The following AP2M1 variants were observed in gnomAD, a reference collection of about 807,000 sequenced individuals.
The protein encoded by AP2M1 is AP-2 complex subunit mu.
Under a neutral mutation model 54.5 loss-of-function variants are expected in AP2M1, and 5 were observed. That is an observed-to-expected ratio of 0.09 (90% confidence interval 0.05 to 0.19). AP2M1 has a LOEUF of 0.19. Among genes scored for constraint, AP2M1 ranks in the 10% least tolerant of loss-of-function variants. The pLI, the probability that AP2M1 is intolerant of heterozygous loss-of-function variation, is 1.00. For missense variants in AP2M1, 178 were observed against 580.2 expected, an observed-to-expected ratio of 0.31 and a Z score of 7.12; for synonymous variants, 186 against 208.2, an observed-to-expected ratio of 0.89 and a Z score of 0.92.
At chr3:184,176,880 C>A in intron 1 of AP2M1, 71 bp from the exon 2 acceptor site, 1 of 1,119,856 alleles carries the variant, frequency 8.9e-7, no homozygotes, top group Non-Finnish European at 1.3e-6. Flanking sequence ...CTCCAGTGAC[C>A]TGCACAGCTC....
At chr3:184,179,261 G>C in intron 3 of AP2M1, 139 bp downstream of exon 3, 2 of 1,117,032 alleles carry the variant, frequency 1.8e-6, no homozygotes, top group Non-Finnish European at 2.5e-6. Context: ...CTTGGGCTAG[G>C]ATCTCTATGC....
chr3:184,177,136 G>C lies in AP2M1; in HGVS notation c.74+69G>C, dbSNP rs997346356. The C allele has an allele frequency of 1.3e-5, 19 of 1,497,586 alleles. No individual in the cohort carries two copies. In the African/African-American group the frequency reaches 2.3e-4, roughly 18 times the overall value. The allele number at this position is 1,497,586 out of a possible 1,614,324, so 92.8% of individuals were successfully genotyped here. ...CCCCAGCCCCAGCATACAGGATTAG[G>C]TCTTTTCCCACCATTGGCTTGACTT... On this transcript the variant is annotated intron_variant, in intron 2 of 11. Transcript: ENST00000292807.
In AP2M1 at chr3:184,181,885, T is replaced by C. The variant is rs775662402; in HGVS notation, c.828-27T>C. The C allele has an allele frequency of 5.1e-5, 82 of 1,613,678 alleles. No individual in the cohort carries two copies. Among genetic ancestry groups the C allele is most frequent in the Non-Finnish European group, 6.2e-5 (73 of 1,179,742 alleles). On this transcript the variant is annotated intron_variant, in intron 8 of 11. Transcript: ENST00000292807. This position sits in a 1 kb window ranked among gnomAD's most constrained non-coding sequence, Gnocchi z 5.7. ...GGGGAGAGGAAGTGGGTCAGCTCTT[T>C]GGTAACCTTGCTTCCCATCCCTTAA...
chr3:184,180,613 T>C lies in AP2M1; in HGVS notation c.424-32T>C, dbSNP rs1387177144. On this transcript the variant is annotated intron_variant, in intron 4 of 11. Coordinates refer to ENST00000292807, the MANE Select transcript of AP2M1 (RefSeq NM_004068.4). The surrounding 1 kb of genome is among the most constrained non-coding windows in gnomAD (Gnocchi z 4.9). Reference sequence around the variant, plus strand: ...CTTTTCTGCCTCCCTTGCTGCTTCATGTGGGCACCTCGTTGGCCCTGCGGC... The same window carrying C: ...CTTTTCTGCCTCCCTTGCTGCTTCACGTGGGCACCTCGTTGGCCCTGCGGC... 3 of 1,613,538 alleles carry C rather than the reference T, an allele frequency of 1.9e-6. No individual in the cohort carries two copies. Among genetic ancestry groups the C allele is most frequent in the African/African-American group, 1.3e-5 (1 of 74,932 alleles).
Position 184,179,128 on chromosome 3 carries a change from G to T in AP2M1, c.340+6G>T, listed in dbSNP as rs1314948961. On this transcript the variant is annotated splice_donor_region_variant and intron_variant, in intron 3 of 11. Coordinates refer to ENST00000292807, the MANE Select transcript of AP2M1 (RefSeq NM_004068.4). Reference sequence around the variant, plus strand: ...CATATATGAGCTGCTGGATGGTGAGGCTGGCGGGCTGGCACGGCAGCGGGC... The same window carrying T: ...CATATATGAGCTGCTGGATGGTGAGTCTGGCGGGCTGGCACGGCAGCGGGC... 1 of 1,609,988 alleles carries T rather than the reference G, an allele frequency of 6.2e-7. No individual in the cohort carries two copies. The highest frequency in any genetic ancestry group is 8.5e-7 in the Non-Finnish European group (1 of 1,176,652).
chr3:184,183,434 G>A lies in AP2M1; in HGVS notation c.1174-48G>A. ...GGGCAACGGGACTTCCCAGAGGAGA[G>A]CGGCTGTAAGAGGAAGGCCACATTT... On this transcript the variant is annotated intron_variant, in intron 11 of 11. Transcript: ENST00000292807. The surrounding 1 kb of genome is among the most constrained non-coding windows in gnomAD (Gnocchi z 5.7). 1 of 1,611,772 alleles carries A rather than the reference G, an allele frequency of 6.2e-7. No individual in the cohort carries two copies. Among genetic ancestry groups the A allele is most frequent in the South Asian group, 1.1e-5 (1 of 90,910 alleles).
chr3:184,175,911 C>T (rs1322661809), intron 1 of AP2M1, among the ~76,000 whole-genome samples: 1 of 152,216 alleles, frequency 6.6e-6, no homozygotes, highest in Admixed American at 6.5e-5. Flanking sequence ...TTGACAGCCA[C>T]AGGAAAAGGC....
Position 184,183,177 on chromosome 3 carries a change from G to C in AP2M1, c.1174-305G>C, listed in dbSNP as rs1410572648. The C allele has an allele frequency of 1.8e-6, 1 of 549,694 alleles. No individual in the cohort carries two copies. Among genetic ancestry groups the C allele is most frequent in the East Asian group, 3.2e-5 (1 of 31,572 alleles). The allele number at this position is 549,694 out of a possible 1,614,324, so 34.1% of individuals were successfully genotyped here. A position where few individuals can be genotyped will look rare whatever the true frequency, so the allele number is the denominator to read the frequency against. ...GGATAATGGGCTGACTTTGCTTTGC[G>C]CATGTTAGACATAATTTTCTCCACC... is the stretch of plus-strand genomic sequence containing the variant. On this transcript the variant is annotated intron_variant, in intron 11 of 11. Coordinates refer to ENST00000292807, the MANE Select transcript of AP2M1 (RefSeq NM_004068.4). This position sits in a 1 kb window ranked among gnomAD's most constrained non-coding sequence, Gnocchi z 5.7.
In AP2M1 at chr3:184,178,852, C is replaced by T. The variant is rs914732362; in HGVS notation, c.75-5C>T. On this transcript the variant is annotated splice_polypyrimidine_tract_variant and splice_region_variant and intron_variant, in intron 2 of 11. Coordinates refer to ENST00000292807, the MANE Select transcript of AP2M1 (RefSeq NM_004068.4). This position sits in a 1 kb window ranked among gnomAD's most constrained non-coding sequence, Gnocchi z 4.9. The stretch of plus-strand genomic sequence containing the variant: ...GAGCAGGCCCTATGCACTCTTTTCC[C>T]TCAGGAGGAACGCAGTGGATGCCTT... 1.2e-6 allele frequency: 2 copies of T among 1,613,412 alleles called. No individual in the cohort carries two copies. The highest frequency in any genetic ancestry group is 1.7e-5 in the Admixed American group (1 of 60,006).
rs547671024 is a variant in AP2M1 at position 184,182,373 on chromosome 3, G to C, written c.1061+125G>C. 4 of 1,027,460 alleles carry C rather than the reference G, an allele frequency of 3.9e-6. No individual in the cohort carries two copies. The East Asian group carries it at 1.0e-4, about 27-fold the overall frequency. 63.6% of individuals were successfully genotyped at this position (1,027,460 alleles called of 1,614,324 possible). ...CCTGTTTGCTTTTCTAGGAGCCTCT[G>C]CTTGTACTGTCAGTCTTTATACCTC... On this transcript the variant is annotated intron_variant, in intron 10 of 11. Transcript: ENST00000292807. The surrounding 1 kb of genome is among the most constrained non-coding windows in gnomAD (Gnocchi z 5.5).
At position 184,178,294 on chromosome 3, in the gene AP2M1, C is replaced by T. The variant is rs186508407; in HGVS notation, c.75-563C>T. The T allele has an allele frequency of 2.3e-4, 350 of 1,491,946 alleles. 1 individual carries two copies. In the African/African-American group the frequency reaches 4.4e-3, roughly 19 times the overall value. 92.4% of individuals were successfully genotyped at this position (1,491,946 alleles called of 1,614,324 possible). A position where few individuals can be genotyped will look rare whatever the true frequency, so the allele number is the denominator to read the frequency against. On this transcript the variant is annotated intron_variant, in intron 2 of 11. Coordinates refer to ENST00000292807, the MANE Select transcript of AP2M1 (RefSeq NM_004068.4). This position sits in a 1 kb window ranked among gnomAD's most constrained non-coding sequence, Gnocchi z 4.9. ...CCTGCCCCCATCGTTTTCCTGCATC[C>T]TTTTTCATTCCCTCAACTTGCTCTG...
rs1715317307 is a variant in AP2M1 at position 184,182,802 on chromosome 3, G to A, written c.1107G>A (p.Glu369=). ...AGMKESQISA[E]IELLPTNDKK... is the part of the protein sequence containing the mutation. ...TGAAGGAATCGCAGATCAGCGCAGA[G>A]ATTGAGCTTCTGCCTACCAACGACA... is the stretch of plus-strand genomic sequence containing the variant. Residue 369 remains glutamate, a synonymous_variant, in exon 11 of 12, where the codon GAG becomes GAA. Transcript: ENST00000292807. The surrounding 1 kb of genome is among the most constrained non-coding windows in gnomAD (Gnocchi z 5.5). 1 of 1,614,160 alleles carries A rather than the reference G, an allele frequency of 6.2e-7. No individual in the cohort carries two copies. Among genetic ancestry groups the A allele is most frequent in the South Asian group, 1.1e-5 (1 of 91,080 alleles).
intron 2 of AP2M1, chr3:184,177,690 C>A: frequency 7.5e-7 from 1 of 1,336,808 alleles, no homozygotes; most frequent in South Asian, 1.3e-5. Flanking sequence ...AGCTCCATAT[C>A]CTGGGCCTTC....
rs1350503758 is a variant in AP2M1 at position 184,178,803 on chromosome 3, T to G, written c.75-54T>G. On this transcript the variant is annotated intron_variant, in intron 2 of 11. Transcript: ENST00000292807. The surrounding 1 kb of genome is among the most constrained non-coding windows in gnomAD (Gnocchi z 4.9). Reference sequence around the variant, plus strand: ...TGTTAGCAGCTGTGGTTGATCCTTATGGGGTAAGGTTCACCTGGGTGCTGA... The same window carrying G: ...TGTTAGCAGCTGTGGTTGATCCTTAGGGGGTAAGGTTCACCTGGGTGCTGA... 2.0e-5 allele frequency: 31 copies of G among 1,589,250 alleles called. No individual in the cohort carries two copies. In the African/African-American group the frequency reaches 2.8e-4, roughly 14 times the overall value.
rs1715168513 is a variant in AP2M1 at position 184,178,679 on chromosome 3, C to T, written c.75-178C>T. Among the ~76,000 whole-genome samples the T allele has an allele frequency of 6.6e-6, 1 of 152,244 alleles. No individual in the cohort carries two copies. Among genetic ancestry groups the T allele is most frequent in the Non-Finnish European group, 1.5e-5 (1 of 68,044 alleles). On this transcript the variant is annotated intron_variant, in intron 2 of 11. Coordinates refer to ENST00000292807, the MANE Select transcript of AP2M1 (RefSeq NM_004068.4). The surrounding 1 kb of genome is among the most constrained non-coding windows in gnomAD (Gnocchi z 4.9). ...CCCAGCTCAGGCACTCTTCCCATGC[C>T]TCCACAGGGAGTCATAAGAAGGGAA...
Position 184,180,802 on chromosome 3 carries a change from G to C in AP2M1, c.430-47G>C, listed in dbSNP as rs1346970225. 3 of 1,614,236 alleles carry C rather than the reference G, an allele frequency of 1.9e-6. No individual in the cohort carries two copies. The highest frequency in any genetic ancestry group is 2.2e-5 in the East Asian group (1 of 44,892). ...TGGGGATAGAGACAGGATGATTAAA[G>C]GGACAGAGGAGTGAGGCCATTGCTG... On this transcript the variant is annotated intron_variant, in intron 5 of 11. Coordinates refer to ENST00000292807, the MANE Select transcript of AP2M1 (RefSeq NM_004068.4). The surrounding 1 kb of genome is among the most constrained non-coding windows in gnomAD (Gnocchi z 4.9).
chr3:184,177,573 C>A (rs1213291029), intron 2 of AP2M1: 3 of 1,536,114 alleles, frequency 2.0e-6, no homozygotes, highest in South Asian at 2.4e-5. Context: ...CAGCTGTCTT[C>A]AGTTCCTCTG....
chr3:184,176,433 T>C (rs1715075297), intron 1 of AP2M1, among the ~76,000 whole-genome samples: 1 of 152,138 alleles, frequency 6.6e-6, no homozygotes, highest in African/African-American at 2.4e-5. Context: ...TTGAATTCTG[T>C]GAATTAGAGT....
chr3:184,180,993 C>T lies in AP2M1; in HGVS notation c.565+9C>T. 6.2e-7 allele frequency: 1 copy of T among 1,614,096 alleles called. No individual in the cohort carries two copies. The highest frequency in any genetic ancestry group is 8.5e-7 in the Non-Finnish European group (1 of 1,180,024). ...GCTCATGTCCCCACAAGGTGAGGTC[C>T]CTCTCACGACAAAGTTGGAGGGGGC... On this transcript the variant is annotated intron_variant, in intron 6 of 11. Transcript: ENST00000292807. The surrounding 1 kb of genome is among the most constrained non-coding windows in gnomAD (Gnocchi z 4.9).
Sources: allele counts gnomAD v4.1 joint callset (sites outside exome capture counted in the v4.1 genomes callset), GRCh38; gene constraint gnomAD v4.1.1; non-coding constraint Gnocchi (gnomAD v3.1); transcripts MANE v1.5; gene names NCBI Gene and HGNC (gene_info 2026-07-23, HGNC 2026-07-21).